SV2C: variants seen among roughly 807,000 people sequenced by gnomAD.
SV2C encodes synaptic vesicle glycoprotein 2C.
In SV2C, 49 loss-of-function variants were observed where a neutral mutation model predicts 79.7. The ratio of observed to expected loss-of-function variants is 0.61; its 90% CI spans 0.49 to 0.78. The LOEUF is 0.78. Ranked by LOEUF, SV2C falls within the 30% of genes least tolerant of loss-of-function variation. The pLI, the probability that SV2C is intolerant of heterozygous loss-of-function variation, is 0.00. For missense variants in SV2C, 833 were observed against 912.9 expected, an observed-to-expected ratio of 0.91 and a Z score of 1.13; for synonymous variants, 334 against 333.2, an observed-to-expected ratio of 1.00 and a Z score of -0.03.
chr5:75,861,256 A>G, the SV2C span, among the ~76,000 whole-genome samples: 1 of 152,190 alleles, frequency 6.6e-6, no homozygotes, highest in Non-Finnish European at 1.5e-5. Flanking sequence ...AGACATTCAA[A>G]TATAAACACT....
the SV2C span, among the ~76,000 whole-genome samples, chr5:76,005,643 A>G: frequency 6.6e-6 from 1 of 152,334 alleles, no homozygotes; most frequent in East Asian, 1.9e-4. Context: ...CTAGATCAAT[A>G]TGCTGTTATT....
At chr5:76,177,068 T>A (rs896464632) in intron 2 of SV2C, among the ~76,000 whole-genome samples, 2 of 150,160 alleles carry the variant, frequency 1.3e-5, no homozygotes, top group African/African-American at 4.9e-5. Context: ...TGAGCCGAGA[T>A]CACGCCACTG....
At chr5:76,310,455 G>A (rs1237165571) in intron 12 of SV2C, among the ~76,000 whole-genome samples, 6 of 152,222 alleles carry the variant, frequency 3.9e-5, no homozygotes, top group East Asian at 3.9e-4. Context: ...GAGAGGCAAA[G>A]CTTGTCTGGC....
At chr5:76,110,269 A>G (rs563416504) in intron 1 of SV2C, among the ~76,000 whole-genome samples, 1 of 152,320 alleles carries the variant, frequency 6.6e-6, no homozygotes, top group South Asian at 2.1e-4. Flanking sequence ...GCAGCAGAAA[A>G]AAAAACTTTT....
chr5:75,914,417 A>G, the SV2C span, among the ~76,000 whole-genome samples: 1 of 152,210 alleles, frequency 6.6e-6, no homozygotes, highest in South Asian at 2.1e-4. Flanking sequence ...GTTTGGGAGT[A>G]AACCCAGCTG....
intron 4 of SV2C, among the ~76,000 whole-genome samples, chr5:76,239,054 A>C (rs1392743913): frequency 6.6e-6 from 1 of 151,226 alleles, no homozygotes; most frequent in Admixed American, 6.6e-5. Context: ...TCAACATCTG[A>C]CCCTTTTGGG....
chr5:75,853,607 C>CAAAAAAAAAAAAAA, the SV2C span, among the ~76,000 whole-genome samples: 1 of 28,464 alleles, frequency 3.5e-5, no homozygotes, highest in African/African-American at 1.6e-4. Flanking sequence ...GACTCCGTCT[C>CAAAAAAAAAAAAAA]AAAAAAAAAA....
the SV2C span, among the ~76,000 whole-genome samples, chr5:76,049,024 A>AAAGGG: frequency 8.3e-6 from 1 of 120,520 alleles, no homozygotes; most frequent in African/African-American, 3.2e-5. Context: ...AGAAAGAAAG[A>AAAGGG]AAAAGAAAAG....
At chr5:76,214,520 G>T (rs1257562148) in intron 4 of SV2C, among the ~76,000 whole-genome samples, 1 of 152,080 alleles carries the variant, frequency 6.6e-6, no homozygotes, top group Admixed American at 6.5e-5. Flanking sequence ...GTCTTTTGTT[G>T]TTCCATACAG....
At chr5:75,885,243 A>G in the SV2C span, among the ~76,000 whole-genome samples, 2 of 152,106 alleles carry the variant, frequency 1.3e-5, no homozygotes, top group African/African-American at 2.4e-5. Flanking sequence ...ACATTTATCA[A>G]TTTGTCAGCT....
the SV2C span, among the ~76,000 whole-genome samples, chr5:76,037,140 C>A: frequency 1.6e-4 from 24 of 152,140 alleles, no homozygotes; most frequent in South Asian, 4.2e-4. Context: ...CTAGTTATAC[C>A]TTCTTCTAAA....
chr5:76,092,801 A>G (rs1163436500), intron 1 of SV2C, among the ~76,000 whole-genome samples: 1 of 152,036 alleles, frequency 6.6e-6, no homozygotes, highest in Non-Finnish European at 1.5e-5. Context: ...TTATCTGTGG[A>G]AAAGTCTCCT....
At chr5:76,324,264 A>G (rs1303414550) in intron 12 of SV2C, among the ~76,000 whole-genome samples, 2 of 152,148 alleles carry the variant, frequency 1.3e-5, no homozygotes, top group African/African-American at 2.4e-5. Flanking sequence ...TCAGCCTGCC[A>G]TACATTTTAA....
chr5:76,334,612 G>A (rs926415986), downstream of SV2C, among the ~76,000 whole-genome samples: 7 of 152,144 alleles, frequency 4.6e-5, no homozygotes, highest in Non-Finnish European at 8.8e-5. Context: ...GATGGTGGCT[G>A]CAACTCTAAG....
At chr5:75,974,507 G>A in the SV2C span, among the ~76,000 whole-genome samples, 1 of 151,968 alleles carries the variant, frequency 6.6e-6, no homozygotes, top group African/African-American at 2.4e-5. Flanking sequence ...ATTTGTCTCT[G>A]AATAACAGTC....
chr5:75,953,460 T>G, the SV2C span, among the ~76,000 whole-genome samples: 1 of 152,060 alleles, frequency 6.6e-6, no homozygotes, highest in African/African-American at 2.4e-5. Context: ...GGATTCATTT[T>G]CAGCCTCACC....
intron 12 of SV2C, among the ~76,000 whole-genome samples, chr5:76,342,080 A>G (rs1006867212): frequency 8.5e-5 from 13 of 152,162 alleles, no homozygotes; most frequent in African/African-American, 2.9e-4. Flanking sequence ...CTCAGTGCAC[A>G]GATGTCCAGC....
In SV2C at chr5:76,332,695, A is replaced by ACCATGGAAAGCAACAAAG. The variant is rs139623116; in HGVS notation, c.*7172_*7189dup. 1.3e-5 allele frequency: 2 copies of ACCATGGAAAGCAACAAAG among 152,076 alleles called. No individual in the cohort carries two copies. The highest frequency in any genetic ancestry group is 4.8e-5 in the African/African-American group (2 of 41,318). 9.4% of individuals were successfully genotyped at this position (152,076 alleles called of 1,614,324 possible). A position where few individuals can be genotyped will look rare whatever the true frequency, so the allele number is the denominator to read the frequency against. ...GATCAGCTATAGTGGTGGTATTTAT[A>ACCATGGAAAGCAACAAAG]CCATGGAAAGCAACAAAGCCATGGA... On this transcript the variant is annotated 3_prime_UTR_variant, in exon 13 of 13. Coordinates refer to ENST00000502798, the MANE Select transcript of SV2C (RefSeq NM_014979.4).
the SV2C span, among the ~76,000 whole-genome samples, chr5:75,932,861 A>G: frequency 6.6e-6 from 1 of 152,004 alleles, no homozygotes; most frequent in African/African-American, 2.4e-5. Context: ...TGTTCCCCCC[A>G]TTTCTCACTT....
Sources: allele counts gnomAD v4.1 joint callset (sites outside exome capture counted in the v4.1 genomes callset), GRCh38; gene constraint gnomAD v4.1.1; transcripts MANE v1.5; gene names NCBI Gene and HGNC (gene_info 2026-07-23, HGNC 2026-07-21).